Variants in SRRM2 observed in about 807,000 individuals in gnomAD.
SRRM2 encodes the protein serine/arginine repetitive matrix 2.
In SRRM2, 30 loss-of-function variants were observed where a neutral mutation model predicts 213.8. That is an observed-to-expected ratio of 0.14 (90% CI 0.10 to 0.19). The LOEUF (loss-of-function observed/expected upper bound fraction) is 0.19, where lower values mean the gene tolerates loss of function less well. SRRM2 is among the 10% of genes least tolerant of loss of function. The pLI is 1.00. For missense variants in SRRM2, 4,904 were observed against 3,647.0 expected (o/e 1.34, Z -8.88); for synonymous variants, 2,025 against 1,377.7 (o/e 1.47, Z -10.40).
Position 2,764,415 on chromosome 16 carries a change from TAGA to T in SRRM2, c.3890_3892del (p.Glu1297del), listed in dbSNP as rs1567234174. 1 of 1,613,302 alleles carries T rather than the reference TAGA, an allele frequency of 6.2e-7. No homozygotes were observed. The highest frequency in any genetic ancestry group is 8.5e-7 in the Non-Finnish European group (1 of 1,179,846). Reference sequence around the variant, plus strand: ...CAGTCACAGGCTTCTTTGGAAGCAGTAGAAGTCCCTTCAATGGCCTCATCTTGG... The same window carrying T: ...CAGTCACAGGCTTCTTTGGAAGCAGTAGTCCCTTCAATGGCCTCATCTTGG... On this transcript the variant is annotated inframe_deletion, in exon 11 of 15. Coordinates refer to ENST00000301740, the MANE Select transcript of SRRM2 (RefSeq NM_016333.4).
In SRRM2 at chr16:2,759,010, C is replaced by G. The variant is rs376256037; in HGVS notation, c.619C>G (p.Arg207Gly). The change falls in exon 6 of 15, where the codon CGG (arginine) becomes GGG (glycine). Residue 207 changes from arginine to glycine, a missense_variant. Transcript: ENST00000301740. ...GRRSESSSPRRERKKSSKKKK... is the reference protein window; with the variant it reads ...GRRSESSSPRGERKKSSKKKK... ...CAGGTCAGAGAGCAGCTCTCCTCGA[C>G]GGGAGAGAAAGAAAAGCTCAAAGAA... The G allele has an allele frequency of 6.2e-7, 1 of 1,613,914 alleles. No individual in the cohort carries two copies. The highest frequency in any genetic ancestry group is 1.3e-5 in the African/African-American group (1 of 74,840).
At position 2,764,404 on chromosome 16, in the gene SRRM2, T is replaced by C. The variant is rs1236769594; in HGVS notation, c.3876T>C (p.Ser1292=). The part of the protein sequence containing the change: ...LTLDQSQSQA[S]LEAVEVPSMA... Reference sequence around the variant, plus strand: ...TTGATCAGAGCCAGTCACAGGCTTCTTTGGAAGCAGTAGAAGTCCCTTCAA... The same window carrying C: ...TTGATCAGAGCCAGTCACAGGCTTCCTTGGAAGCAGTAGAAGTCCCTTCAA... The change falls in exon 11 of 15, where the codon TCT becomes TCC. Residue 1292 remains serine (S), a synonymous_variant. Transcript: ENST00000301740. 1.2e-6 allele frequency: 2 copies of C among 1,613,390 alleles called. No homozygotes were observed. The highest frequency in any genetic ancestry group is 1.7e-5 in the Admixed American group (1 of 59,844).
rs1300361752 is a variant in SRRM2, at chr16:2,764,165, A to G, written c.3637A>G (p.Arg1213Gly). Reference protein sequence around the residue: ...KDTLRTPPRERSGAGSSPETK... With the variant: ...KDTLRTPPREGSGAGSSPETK... ...CACACTTAGAACCCCGCCAAGGGAA[A>G]GAAGTGGTGCTGGGTCATCTCCAGA... The change falls in exon 11 of 15, where the codon AGA becomes GGA. Residue 1213 changes from arginine (R) to glycine (G), a missense_variant. Physicochemically the swap from Arg to Gly is moderately radical, Grantham distance 125. Transcript: ENST00000301740. 8 of 1,614,104 alleles carry G rather than the reference A, an allele frequency of 5.0e-6. No individual in the cohort carries two copies. The highest frequency in any genetic ancestry group is 2.2e-5 in the East Asian group (1 of 44,904).
Position 2,767,156 on chromosome 16 carries a change from C to G in SRRM2, c.6628C>G (p.Gln2210Glu). ...SAAGLAARMS[Q>E]VPAPVPLMSL... is the part of the protein sequence containing the mutation. ...TGCTGGCCTTGCTGCAAGAATGTCC[C>G]AGGTTCCAGCCCCGGTGCCTCTCAT... is the stretch of plus-strand genomic sequence containing the variant. The change falls in exon 11 of 15, where the codon CAG (glutamine) becomes GAG (glutamate). Residue 2210 changes from glutamine (Q) to glutamate (E), a missense_variant. Physicochemically the swap from Gln to Glu is conservative, Grantham distance 29. Transcript: ENST00000301740. 1 of 1,614,212 alleles carries G rather than the reference C, an allele frequency of 6.2e-7. No individual in the cohort carries two copies. The highest frequency in any genetic ancestry group is 8.5e-7 in the Non-Finnish European group (1 of 1,180,036).
intron 2 of SRRM2, 76 bp downstream of exon 2, chr16:2,756,682 C>T: frequency 1.3e-6 from 2 of 1,519,788 alleles, no homozygotes; most frequent in Non-Finnish European, 1.8e-6. Context: ...GTATAGGGAG[C>T]TTAGGGTGGT....
At chr16:2,753,582 A>G (rs2068024248) in intron 1 of SRRM2, 1 of 152,200 alleles carries the variant, frequency 6.6e-6, no homozygotes, top group Non-Finnish European at 1.5e-5. Flanking sequence ...TCGTGTTCAA[A>G]CTAAGGAGGC....
chr16:2,761,572 T>G lies in SRRM2; in HGVS notation c.1044T>G (p.Thr348=). The G allele has an allele frequency of 1.3e-6, 2 of 1,503,792 alleles. No homozygotes were observed. The highest frequency in any genetic ancestry group is 1.8e-6 in the Non-Finnish European group (2 of 1,127,834). The allele number at this position is 1,503,792 out of a possible 1,614,324, so 93.2% of individuals were successfully genotyped here. The change falls in exon 11 of 15, where the codon ACT becomes ACG. Residue 348 remains threonine (T), a synonymous_variant. Transcript: ENST00000301740. Reference sequence around the variant, plus strand: ...TCTTCCACTCTTAGAAATCTGCAACTCGACCTAGCCCCTCTCCGGAAAGGA... The same window carrying G: ...TCTTCCACTCTTAGAAATCTGCAACGCGACCTAGCCCCTCTCCGGAAAGGA... ...KDKDKKEKSA[T]RPSPSPERSS...
In SRRM2 at chr16:2,762,083, G is replaced by T. The variant is rs1424860922; in HGVS notation, c.1555G>T (p.Ala519Ser). ...RSPQWRRSRS[A>S]QRWGRSRSPQ... ...TCCCCAGTGGCGTAGGTCCAGGTCT[G>T]CACAGAGGTGGGGAAGATCTAGAAG... Residue 519 changes from alanine (A) to serine (S), a missense_variant, in exon 11 of 15, where the codon GCA becomes TCA. Transcript: ENST00000301740. The T allele has an allele frequency of 6.2e-7, 1 of 1,614,214 alleles. No individual in the cohort carries two copies.
rs146698076 is a variant in SRRM2 at position 2,766,148 on chromosome 16, C to T, written c.5620C>T (p.Arg1874Trp). 14 of 1,613,982 alleles carry T rather than the reference C, an allele frequency of 8.7e-6. No individual in the cohort carries two copies. The highest frequency in any genetic ancestry group is 1.1e-5 in the South Asian group (1 of 91,088). Residue 1874 changes from arginine (R) to tryptophan (W), a missense_variant, in exon 11 of 15, where the codon CGG becomes TGG. Transcript: ENST00000301740. The surrounding 1 kb of genome is among the most constrained non-coding windows in gnomAD (Gnocchi z 7.0). The part of the protein sequence containing the change: ...SRSRASPATH[R>W]RSRSRTPLIS... ...ATCTCGAGCCTCTCCAGCCACTCAC[C>T]GGCGATCCAGGTCCAGAACCCCCCT... is the stretch of plus-strand genomic sequence containing the variant.
In SRRM2 at chr16:2,763,586, AAGTCTAAAG is replaced by A; in HGVS notation, c.3060_3068del (p.Lys1020_Asp1023delinsAsn). 2 of 1,614,110 alleles carry A rather than the reference AAGTCTAAAG, an allele frequency of 1.2e-6. No homozygotes were observed. Among genetic ancestry groups the A allele is most frequent in the East Asian group, 4.5e-5 (2 of 44,878 alleles). On this transcript the variant is annotated inframe_deletion, in exon 11 of 15. Coordinates refer to ENST00000301740, the MANE Select transcript of SRRM2 (RefSeq NM_016333.4). ...ATCAAAGTCACCATGTCCCCAAGAG[AAGTCTAAAG>A]ACTCACTAGTTCAAAGTTGCCCTGG...
chr16:2,764,064 C>T lies in SRRM2; in HGVS notation c.3536C>T (p.Ser1179Leu), dbSNP rs754696916. 27 of 1,613,996 alleles carry T rather than the reference C, an allele frequency of 1.7e-5. No homozygotes were observed. The highest frequency in any genetic ancestry group is 2.1e-5 in the Non-Finnish European group (25 of 1,180,016). ...ALPPQEDATASPPRQKDKFSP... is the reference protein window; with the variant it reads ...ALPPQEDATALPPRQKDKFSP... ...CCCCCTCAGGAGGATGCTACTGCAT[C>T]ACCTCCTAGACAGAAAGACAAATTT... The change falls in exon 11 of 15, where the codon TCA (serine) becomes TTA (leucine). Residue 1179 changes from serine to leucine, a missense_variant. Physicochemically the swap from Ser to Leu is moderately radical, Grantham distance 145 (BLOSUM62 -2). Transcript: ENST00000301740.
In SRRM2 at chr16:2,759,182, C is replaced by G. The variant is rs764710884; in HGVS notation, c.689+10C>G. ...AGAAACGTAAGCATAGGTAAGAGCT[C>G]TTTAACTCATAGGGGGCGCAGTGGC... On this transcript the variant is annotated intron_variant, in intron 7 of 14. Transcript: ENST00000301740. 1 of 1,613,984 alleles carries G rather than the reference C, an allele frequency of 6.2e-7. No homozygotes were observed.
Position 2,765,542 on chromosome 16 carries a change from T to G in SRRM2, c.5014T>G (p.Ser1672Ala). 1 of 1,614,100 alleles carries G rather than the reference T, an allele frequency of 6.2e-7. No homozygotes were observed. Among genetic ancestry groups the G allele is most frequent in the Non-Finnish European group, 8.5e-7 (1 of 1,180,006 alleles). Residue 1672 changes from serine (S) to alanine (A), a missense_variant, in exon 11 of 15, where the codon TCC becomes GCC. Coordinates refer to ENST00000301740, the MANE Select transcript of SRRM2 (RefSeq NM_016333.4). ...CAAATCCAGAACTGCTCGCAGAGGT[T>G]CCAGGTCATCACCAGAGCCCAAGAC... ...PPKSRTARRG[S>A]RSSPEPKTKS...
Position 2,769,018 on chromosome 16 carries a change from C to T in SRRM2, c.7755C>T (p.Ala2585=), listed in dbSNP as rs765406451. 2.5e-6 allele frequency: 4 copies of T among 1,613,924 alleles called. No individual in the cohort carries two copies. Among genetic ancestry groups the T allele is most frequent in the Non-Finnish European group, 3.4e-6 (4 of 1,179,988 alleles). The part of the protein sequence containing the change: ...ALKRVPSPTP[A]PKEAVREGRP... ...ACAGGGTCCCCAGCCCCACCCCAGC[C>T]CCAAAGGAGGCTGTTCGAGAGGGAC... The change falls in exon 12 of 15, where the codon GCC becomes GCT. Residue 2585 remains alanine, a synonymous_variant. Coordinates refer to ENST00000301740, the MANE Select transcript of SRRM2 (RefSeq NM_016333.4).
chr16:2,757,978 T>C (rs1486453329), intron 4 of SRRM2, 33 bp downstream of exon 4: 1 of 1,587,606 alleles, frequency 6.3e-7, no homozygotes, highest in Admixed American at 1.9e-5. Flanking sequence ...TGTCAGCTTC[T>C]TTTCTTGATT....
At position 2,759,013 on chromosome 16, in the gene SRRM2, G is replaced by C. The variant is rs1306269633; in HGVS notation, c.622G>C (p.Glu208Gln). ...GTCAGAGAGCAGCTCTCCTCGACGG[G>C]AGAGAAAGAAAAGCTCAAAGAAGAA... is the stretch of plus-strand genomic sequence containing the variant. ...RRSESSSPRR[E>Q]RKKSSKKKKH... Residue 208 changes from glutamate (E) to glutamine (Q), a missense_variant, in exon 6 of 15, where the codon GAG becomes CAG. Glu to Gln is a conservative substitution (Grantham distance 29). Coordinates refer to ENST00000301740, the MANE Select transcript of SRRM2 (RefSeq NM_016333.4). 6.2e-7 allele frequency: 1 copy of C among 1,614,150 alleles called. No individual in the cohort carries two copies. Among genetic ancestry groups the C allele is most frequent in the South Asian group, 1.1e-5 (1 of 91,054 alleles).
chr16:2,762,454 G>T lies in SRRM2; in HGVS notation c.1926G>T (p.Arg642Ser), dbSNP rs769066057. The change falls in exon 11 of 15, where the codon AGG becomes AGT. Residue 642 changes from arginine to serine, a missense_variant. Arg to Ser is a moderately radical substitution (Grantham distance 110). Transcript: ENST00000301740. ...RRRSRSRSPA[R>S]RSGRSRSRTP... ...GGTCTCGTAGTAGATCACCAGCCAG[G>T]AGAAGTGGCAGGTCACGCTCTAGAA... 5 of 1,613,696 alleles carry T rather than the reference G, an allele frequency of 3.1e-6. No homozygotes were observed. The highest frequency in any genetic ancestry group is 4.2e-6 in the Non-Finnish European group (5 of 1,179,890).
Position 2,759,388 on chromosome 16 carries a change from C to A in SRRM2, c.726C>A (p.Asp242Glu). 1 of 1,594,000 alleles carries A rather than the reference C, an allele frequency of 6.3e-7. No individual in the cohort carries two copies. Among genetic ancestry groups the A allele is most frequent in the Admixed American group, 1.8e-5 (1 of 54,138 alleles). Residue 242 changes from aspartate (D) to glutamate (E), a missense_variant, in exon 8 of 15, where the codon GAC becomes GAA. By Grantham distance (45) the Asp-to-Glu change is conservative. Coordinates refer to ENST00000301740, the MANE Select transcript of SRRM2 (RefSeq NM_016333.4). ...CAAAGAGCAAACGTAAATCTAAGGA[C>A]AAAAAGCGAAAGCGGTGAGTGAATT... ...PTPKSKRKSK[D>E]KKRKRSRSTT...
At position 2,759,564 on chromosome 16, in the gene SRRM2, TTCAGGTC is replaced by T; in HGVS notation, c.741-2_745del. 2 of 1,614,110 alleles carry T rather than the reference TTCAGGTC, an allele frequency of 1.2e-6. No homozygotes were observed. Among genetic ancestry groups the T allele is most frequent in the Non-Finnish European group, 1.7e-6 (2 of 1,179,990 alleles). ...CCCTGAGCTGTGGTGGTGGTCTTCCTTCAGGTCTCGAAGTACAACACCAGCCCCCAAG... is the reference window on the plus strand; with the variant it reads ...CCCTGAGCTGTGGTGGTGGTCTTCCTTCGAAGTACAACACCAGCCCCCAAG... On this transcript the variant is annotated splice_acceptor_variant and splice_polypyrimidine_tract_variant and coding_sequence_variant and intron_variant, in exon 9 of 15. Coordinates refer to ENST00000301740, the MANE Select transcript of SRRM2 (RefSeq NM_016333.4). LOFTEE classifies it high-confidence loss of function.
Sources: allele counts gnomAD v4.1 joint callset, GRCh38; gene constraint gnomAD v4.1.1; non-coding constraint Gnocchi (gnomAD v3.1); transcripts MANE v1.5; gene names NCBI Gene and HGNC (gene_info 2026-07-23, HGNC 2026-07-21).